Variants in ZNF385D observed in about 807,000 individuals in gnomAD.
ZNF385D encodes the protein zinc finger protein 385D.
A neutral mutation model predicts 35.8 loss-of-function variants in ZNF385D; 15 were observed. That is an observed-to-expected ratio of 0.42 (90% confidence interval 0.28 to 0.64). The LOEUF (loss-of-function observed/expected upper bound fraction) is 0.64, where lower values mean the gene tolerates loss of function less well. ZNF385D is among the 30% of genes least tolerant of loss of function. The pLI is 0.23. For missense variants in ZNF385D, 474 were observed against 494.6 expected (o/e 0.96, Z 0.39); for synonymous variants, 212 against 186.8 (o/e 1.13, Z -1.10).
intron 2 of ZNF385D, among the ~76,000 whole-genome samples, chr3:22,328,761 C>CAA (rs930692669): frequency 1.4e-5 from 2 of 138,156 alleles, no homozygotes; most frequent in African/African-American, 5.3e-5. Flanking sequence ...ACTCCATCGC[C>CAA]AAAAAAAAAA....
chr3:21,925,641 T>C (rs553029064), intron 3 of ZNF385D, among the ~76,000 whole-genome samples: 60 of 152,260 alleles, frequency 3.9e-4, no homozygotes, highest in African/African-American at 1.4e-3. Context: ...TCATCAAACC[T>C]ACAAGTAGTT....
chr3:22,093,519 A>G (rs1701438958), intron 3 of ZNF385D, among the ~76,000 whole-genome samples: 2 of 152,082 alleles, frequency 1.3e-5, no homozygotes. Context: ...ATTTATTTAT[A>G]AGCAAAAAAC....
intron 4 of ZNF385D, chr3:21,443,262 G>A (rs2125252041): frequency 1.0e-6 from 1 of 985,308 alleles, no homozygotes. Flanking sequence ...TCACTACCAG[G>A]CTCAAGGATG....
intron 3 of ZNF385D, among the ~76,000 whole-genome samples, chr3:21,800,009 T>C (rs1025919666): frequency 6.6e-6 from 1 of 152,174 alleles, no homozygotes. Flanking sequence ...GAAAAGACCA[T>C]TATTTCCAAA....
chr3:22,137,156 A>G (rs1704186771), intron 3 of ZNF385D, among the ~76,000 whole-genome samples: 1 of 152,140 alleles, frequency 6.6e-6, no homozygotes, highest in African/African-American at 2.4e-5. Flanking sequence ...GTTTTTTACT[A>G]ATTTTTCTGT....
intron 2 of ZNF385D, among the ~76,000 whole-genome samples, chr3:21,640,422 T>A (rs182364360): frequency 5.9e-5 from 9 of 152,232 alleles, no homozygotes. Context: ...GGACTGAAGT[T>A]TGTCTGCCCC....
At chr3:22,124,612 T>G (rs536554163) in intron 3 of ZNF385D, among the ~76,000 whole-genome samples, 1 of 152,286 alleles carries the variant, frequency 6.6e-6, no homozygotes, top group African/African-American at 2.4e-5. Flanking sequence ...GATAAAAGCA[T>G]TTTAAATAGG....
chr3:22,276,577 C>T (rs1701440322), intron 2 of ZNF385D, among the ~76,000 whole-genome samples: 1 of 152,148 alleles, frequency 6.6e-6, no homozygotes, highest in Non-Finnish European at 1.5e-5. Flanking sequence ...GCTTGTATCA[C>T]AGTTATACTT....
intron 3 of ZNF385D, among the ~76,000 whole-genome samples, chr3:21,768,470 AT>A (rs1456010443): frequency 6.6e-6 from 1 of 151,878 alleles, no homozygotes; most frequent in African/African-American, 2.4e-5. Context: ...TCTGGAGTCT[AT>A]TGAAGGCTTC....
intron 3 of ZNF385D, among the ~76,000 whole-genome samples, chr3:22,046,657 C>T (rs2125517884): frequency 6.6e-6 from 1 of 152,066 alleles, no homozygotes; most frequent in South Asian, 2.1e-4. Flanking sequence ...TACATTTAAC[C>T]CCTATGAAAT....
intron 3 of ZNF385D, among the ~76,000 whole-genome samples, chr3:21,524,631 G>C (rs546234910): frequency 6.6e-6 from 1 of 152,010 alleles, no homozygotes; most frequent in Non-Finnish European, 1.5e-5. Context: ...AATTCATAAG[G>C]ATAAAAGTCC....
chr3:22,163,052 G>A (rs1182236271), intron 3 of ZNF385D, among the ~76,000 whole-genome samples: 1 of 152,160 alleles, frequency 6.6e-6, no homozygotes, highest in Non-Finnish European at 1.5e-5. Context: ...GACTTTCAGA[G>A]ATGTCTACCC....
At chr3:21,661,969 T>G (rs1048666070) in intron 2 of ZNF385D, among the ~76,000 whole-genome samples, 1 of 152,110 alleles carries the variant, frequency 6.6e-6, no homozygotes, top group African/African-American at 2.4e-5. Context: ...ATTTTAAAAT[T>G]TTTCCTTTAT....
intron 3 of ZNF385D, among the ~76,000 whole-genome samples, chr3:22,066,766 G>C (rs533675726): frequency 6.6e-6 from 1 of 152,280 alleles, no homozygotes; most frequent in African/African-American, 2.4e-5. Context: ...ATGTTTCCTA[G>C]TTGGTTGTTC....
intron 1 of ZNF385D, among the ~76,000 whole-genome samples, chr3:21,711,102 C>A (rs1366526109): frequency 8.4e-6 from 1 of 119,344 alleles, no homozygotes; most frequent in African/African-American, 3.3e-5. Context: ...AGTGCAGTGG[C>A]GTGATCTCGG....
chr3:21,530,660 G>A (rs2061900095), intron 3 of ZNF385D, among the ~76,000 whole-genome samples: 1 of 151,884 alleles, frequency 6.6e-6, no homozygotes, highest in Non-Finnish European at 1.5e-5. Flanking sequence ...GATCAAACAA[G>A]TTTTTTTTCG....
chr3:22,247,623 A>ATTTATTTATTTG (rs1249428906), intron 2 of ZNF385D, among the ~76,000 whole-genome samples: 1 of 151,182 alleles, frequency 6.6e-6, no homozygotes, highest in African/African-American at 2.4e-5. Flanking sequence ...AATTTTATTT[A>ATTTATTTATTTG]TTTATTTATT....
intron 3 of ZNF385D, among the ~76,000 whole-genome samples, chr3:21,908,122 C>G (rs1288758248): frequency 5.3e-5 from 2 of 37,790 alleles, no homozygotes; most frequent in Admixed American, 2.6e-4. Context: ...CTCTCTATAT[C>G]TATCTATCTA....
At chr3:21,607,541 C>T (rs984930409) in intron 2 of ZNF385D, among the ~76,000 whole-genome samples, 2 of 152,208 alleles carry the variant, frequency 1.3e-5, no homozygotes, top group Admixed American at 6.5e-5. Context: ...AAACAATGTC[C>T]TCTGCCAATC....
Sources: gnomAD v4.1 joint callset for allele counts (sites outside exome capture counted in the v4.1 genomes callset) on GRCh38, gnomAD v4.1.1 for gene constraint, MANE v1.5 for transcripts, NCBI Gene and HGNC (gene_info 2026-07-23, HGNC 2026-07-21) for gene names.